The following PLXND1 variants were observed in gnomAD, a reference collection of about 807,000 sequenced individuals.
PLXND1 encodes the protein plexin-D1.
PLXND1 carries 54 observed loss-of-function variants against 197.7 expected under a neutral mutation model. That is an observed-to-expected ratio of 0.27 (90% CI 0.22 to 0.34). The LOEUF is 0.34. Among genes scored for constraint, PLXND1 ranks in the 10% least tolerant of loss-of-function variants. The pLI is 1.00. For synonymous variants in PLXND1, 1,180 were observed against 1,161.2 expected, an observed-to-expected ratio of 1.02 and a Z score of -0.33; for missense variants, 2,127 against 2,699.2, an observed-to-expected ratio of 0.79 and a Z score of 4.70.
At chr3:129,570,965 G>T (rs1304066522) in intron 18 of PLXND1, 30 bp from the exon 19 acceptor site, 12 of 1,613,878 alleles carry the variant, frequency 7.4e-6, no homozygotes, top group Admixed American at 1.7e-5. Context: ...GGATGCTCAT[G>T]GGGAAGTGCT....
intron 1 of PLXND1, among the ~76,000 whole-genome samples, chr3:129,603,640 C>A (rs1305990298): frequency 6.6e-6 from 1 of 152,202 alleles, no homozygotes; most frequent in Non-Finnish European, 1.5e-5. Flanking sequence ...CCCACCGTGA[C>A]CTTTACTTTC....
intron 8 of PLXND1, among the ~76,000 whole-genome samples, chr3:129,579,623 G>C (rs2085360466): frequency 6.6e-6 from 1 of 152,118 alleles, no homozygotes; most frequent in Non-Finnish European, 1.5e-5. Context: ...GGCAGGACTG[G>C]GGACCTTGGA....
At chr3:129,584,321 C>T in intron 6 of PLXND1, 64 bp downstream of exon 6, 2 of 1,598,178 alleles carry the variant, frequency 1.3e-6, no homozygotes, top group African/African-American at 2.7e-5. Context: ...CCCCTGCCAT[C>T]CCCATGCCTG....
At chr3:129,578,574 G>C in intron 8 of PLXND1, 141 bp from the exon 9 acceptor site, 1 of 604,304 alleles carries the variant, frequency 1.7e-6, no homozygotes, top group Non-Finnish European at 3.0e-6. Context: ...ACGGCCACCA[G>C]CCCCACCCCG....
rs532179590 is a variant in PLXND1 at position 129,604,890 on chromosome 3, C to T, written c.1311+439G>A. The stretch of plus-strand genomic sequence containing the variant: ...GTGCCTCCTTGCACACCTGCCACAC[C>T]CATGCACCCATCACCAACGTGCAAT... On this transcript the variant is annotated intron_variant, in intron 1 of 35. Transcript: ENST00000324093. 3.9e-5 allele frequency among the ~76,000 whole-genome samples: 6 copies of T among 152,312 alleles called. No homozygotes were observed. In the East Asian group the frequency reaches 1.2e-3, roughly 29 times the overall value.
intron 12 of PLXND1, 110 bp downstream of exon 12, chr3:129,574,226 T>A (rs978264173): frequency 8.4e-6 from 8 of 949,034 alleles, no homozygotes; most frequent in African/African-American, 1.7e-5. Flanking sequence ...ACTGCACCCA[T>A]GTGTCGGTGT....
intron 25 of PLXND1, among the ~76,000 whole-genome samples, chr3:129,564,972 C>T (rs778479269): frequency 9.1e-4 from 139 of 152,356 alleles, no homozygotes; most frequent in Middle Eastern, 6.8e-3. Flanking sequence ...TTTGTTTCCA[C>T]GTCTCGCCTA....
At chr3:129,562,758 A>G in intron 27 of PLXND1, 29 bp downstream of exon 27, 1 of 1,577,032 alleles carries the variant, frequency 6.3e-7, no homozygotes, top group Non-Finnish European at 8.7e-7. Flanking sequence ...AGCGCCTGAC[A>G]CGGGGTCTCT....
chr3:129,574,523 G>A (rs559725275), intron 11 of PLXND1, 33 bp from the exon 12 acceptor site: 12 of 1,598,634 alleles, frequency 7.5e-6, no homozygotes, highest in African/African-American at 4.0e-5. Flanking sequence ...GGTCAGCCCC[G>A]CTCTGCGGTG....
intron 7 of PLXND1, 78 bp downstream of exon 7, chr3:129,584,047 C>A (rs1019772376): frequency 1.1e-6 from 1 of 882,566 alleles, no homozygotes; most frequent in Non-Finnish European, 1.9e-6. Context: ...CTTCTCAGGG[C>A]CCCCTGAAAG....
At chr3:129,589,307 G>GCCGGCCCCCCCCCCCCCCCCCCCC in intron 2 of PLXND1, 44 bp downstream of exon 2, 7 of 684,682 alleles carry the variant, frequency 1.0e-5, no homozygotes, top group East Asian at 7.2e-5. Context: ...TCCCAGGGGA[G>GCCGGCCCCCCCCCCCCCCCCCCCC]CCTCCCACCC....
chr3:129,584,394 G>T lies in PLXND1; in HGVS notation c.2020C>A (p.Pro674Thr), dbSNP rs1039247005. ...LPRDQFPPFP[P>T]NQDHVTVEMS... Reference sequence around the variant, plus strand: ...AGCACAGCGTGCTTACCCTGGTTGGGGGGGAAGGGCGGAAACTGGTCCCTC... The same window carrying T: ...AGCACAGCGTGCTTACCCTGGTTGGTGGGGAAGGGCGGAAACTGGTCCCTC... Residue 674 changes from proline to threonine, a missense_variant, in exon 6 of 36, where the codon CCC becomes ACC. By Grantham distance (38) the Pro-to-Thr change is conservative. Transcript: ENST00000324093. 1 of 1,612,542 alleles carries T rather than the reference G, an allele frequency of 6.2e-7. No individual in the cohort carries two copies. The highest frequency in any genetic ancestry group is 8.5e-7 in the Non-Finnish European group (1 of 1,179,256).
chr3:129,568,212 C>T (rs962546301), intron 20 of PLXND1, among the ~76,000 whole-genome samples: 1 of 152,114 alleles, frequency 6.6e-6, no homozygotes, highest in Non-Finnish European at 1.5e-5. Context: ...TCTATTCCTT[C>T]TACAATGACC....
chr3:129,571,988 G>A, intron 15 of PLXND1, 144 bp from the exon 16 acceptor site: 1 of 719,340 alleles, frequency 1.4e-6, no homozygotes. Flanking sequence ...CTTCTGCCCA[G>A]TTAGTGCCCA....
At position 129,605,338 on chromosome 3, in the gene PLXND1, G is replaced by A; in HGVS notation, c.1302C>T (p.Leu434=). The change falls in exon 1 of 36, where the codon CTC becomes CTT. Residue 434 remains leucine (L), a synonymous_variant. Transcript: ENST00000324093. ...CACCGCCCGGGTGTACCTGGATGTT[G>A]AGCTTGCGCTCACAGGCCGGTCCCG... is the stretch of plus-strand genomic sequence containing the variant. ...QGTGPACERK[L]NIQLQPEQLD... is the part of the protein sequence containing the mutation. 1 of 1,435,858 alleles carries A rather than the reference G, an allele frequency of 7.0e-7. No individual in the cohort carries two copies. Among genetic ancestry groups the A allele is most frequent in the Non-Finnish European group, 9.1e-7 (1 of 1,099,374 alleles). The allele number at this position is 1,435,858 out of a possible 1,614,324, so 88.9% of individuals were successfully genotyped here. A position where few individuals can be genotyped will look rare whatever the true frequency, so the allele number is the denominator to read the frequency against.
At chr3:129,593,712 C>T (rs1228083327) in intron 1 of PLXND1, among the ~76,000 whole-genome samples, 11 of 152,232 alleles carry the variant, frequency 7.2e-5, no homozygotes, top group Admixed American at 5.2e-4. Flanking sequence ...TGCTGGAGAA[C>T]TGAGGGAAAC....
intron 1 of PLXND1, among the ~76,000 whole-genome samples, chr3:129,596,704 A>T (rs1049198821): frequency 1.3e-5 from 2 of 151,572 alleles, no homozygotes; most frequent in African/African-American, 2.4e-5. Context: ...GGCTGGGGGG[A>T]CTTGGAGGTT....
chr3:129,566,744 G>A (rs2285364), intron 22 of PLXND1, 113 bp from the exon 23 acceptor site: 42,258 of 632,050 alleles, frequency 0.067, 2,993 homozygotes, highest in African/African-American at 0.27. Context: ...AAACTGGCAC[G>A]GAATTAGCTC....
chr3:129,581,401 T>C (rs2085386191), intron 8 of PLXND1, among the ~76,000 whole-genome samples: 1 of 152,022 alleles, frequency 6.6e-6, no homozygotes, highest in East Asian at 1.9e-4. Context: ...GCCATGGAAC[T>C]CCCTCCCAGC....
Sources: allele counts gnomAD v4.1 joint callset (sites outside exome capture counted in the v4.1 genomes callset), GRCh38; gene constraint gnomAD v4.1.1; transcripts MANE v1.5; gene names NCBI Gene and HGNC (gene_info 2026-07-23, HGNC 2026-07-21).